The following DNAH12 variants were observed in gnomAD, a reference collection of about 807,000 sequenced individuals.
The protein encoded by DNAH12 is axonemal beta dynein heavy chain 12.
In DNAH12, 285 loss-of-function variants were observed where a neutral mutation model predicts 371.5. The observed-to-expected ratio is 0.77, with a 90% CI of 0.70 to 0.85. The LOEUF (loss-of-function observed/expected upper bound fraction) is 0.85. DNAH12 is among the 40% of genes least tolerant of loss of function. The probability of loss-of-function intolerance (pLI) is 0.00; values close to 1 mark genes in which losing one functional copy is unlikely to be tolerated. For synonymous variants in DNAH12, 1,200 were observed against 1,213.0 expected, an observed-to-expected ratio of 0.99 and a Z score of 0.22; for missense variants, 3,611 against 3,689.4, an observed-to-expected ratio of 0.98 and a Z score of 0.55.
chr3:57,405,361 G>C (rs2063991868), intron 41 of DNAH12, among the ~76,000 whole-genome samples: 1 of 152,132 alleles, frequency 6.6e-6, no homozygotes. Context: ...TTAGGCTAGA[G>C]AAGTCATTCT....
chr3:57,526,321 G>C (rs1483446833), intron 2 of DNAH12, among the ~76,000 whole-genome samples: 1 of 152,014 alleles, frequency 6.6e-6, no homozygotes, highest in East Asian at 1.9e-4. Flanking sequence ...CAAATGATAG[G>C]TTCTCATTCT....
At chr3:57,308,474 TA>T (rs1254845169) in intron 69 of DNAH12, among the ~76,000 whole-genome samples, 2 of 144,570 alleles carry the variant, frequency 1.4e-5, no homozygotes, top group African/African-American at 5.2e-5. Flanking sequence ...ACAGCCCATT[TA>T]AGCTCCTGTA....
intron 65 of DNAH12, 105 bp from the exon 66 acceptor site, chr3:57,314,736 C>T (rs913678154): frequency 1.4e-5 from 17 of 1,196,524 alleles, no homozygotes; most frequent in Non-Finnish European, 1.9e-5. Flanking sequence ...TCTGTGATCA[C>T]GTATCTCTAC....
intron 4 of DNAH12, among the ~76,000 whole-genome samples, chr3:57,517,918 G>A (rs1477277862): frequency 2.0e-5 from 3 of 152,084 alleles, no homozygotes; most frequent in Non-Finnish European, 2.9e-5. Flanking sequence ...TCCAAGCGTG[G>A]TGCCTCACAT....
intron 11 of DNAH12, among the ~76,000 whole-genome samples, chr3:57,500,287 C>A (rs778795292): frequency 6.6e-6 from 1 of 152,080 alleles, no homozygotes; most frequent in Non-Finnish European, 1.5e-5. Flanking sequence ...GTGATCCACC[C>A]GCCTTGGCCT....
chr3:57,301,265 CAAAAAAAAAAAAAAA>C (rs71088054), intron 70 of DNAH12, among the ~76,000 whole-genome samples: 205 of 43,034 alleles, frequency 4.8e-3, no homozygotes, highest in South Asian at 9.1e-3. Flanking sequence ...GACCCTGTCT[CAAAAAAAAAAAAAAA>C]AAAAAAAAAA....
In DNAH12 at chr3:57,466,990, A is replaced by G. The variant is rs150927412; in HGVS notation, c.2349+1746T>C. Among the ~76,000 whole-genome samples, 284 of 151,852 alleles carry G rather than the reference A, an allele frequency of 1.9e-3. 3 individuals are homozygous for G. The highest frequency in any genetic ancestry group is 6.5e-3 in the African/African-American group (268 of 41,424). On this transcript the variant is annotated intron_variant, in intron 17 of 73. Coordinates refer to ENST00000495027, the MANE Select transcript of DNAH12 (RefSeq NM_001366028.2). The stretch of plus-strand genomic sequence containing the variant: ...GGCTGGTCTTGAACTTCTGGCCTCG[A>G]ATGATCCTCCTGCCTTGGCCTCCCA...
At chr3:57,401,305 T>C (rs2063852624) in intron 43 of DNAH12, among the ~76,000 whole-genome samples, 1 of 150,610 alleles carries the variant, frequency 6.6e-6, no homozygotes. Context: ...ATCCTAGCAG[T>C]TGGGGAGGTT....
chr3:57,329,907 T>C lies in DNAH12; in HGVS notation c.9978+4558A>G, dbSNP rs933825988. Among the ~76,000 whole-genome samples, 8 of 152,164 alleles carry C rather than the reference T, an allele frequency of 5.3e-5. No homozygotes were observed. The South Asian group carries it at 1.2e-3, about 24-fold the overall frequency. ...CCCATCCAAAAGTGGGCAAAGGACATGAACAGACACTTCTCAAAAGAAGAC... is the reference window on the plus strand; with the variant it reads ...CCCATCCAAAAGTGGGCAAAGGACACGAACAGACACTTCTCAAAAGAAGAC... On this transcript the variant is annotated intron_variant, in intron 62 of 73. Coordinates refer to ENST00000495027, the MANE Select transcript of DNAH12 (RefSeq NM_001366028.2).
In DNAH12 at chr3:57,512,297, A is replaced by C. The variant is rs187565079; in HGVS notation, c.280-1318T>G. Among the ~76,000 whole-genome samples, 41 of 152,296 alleles carry C rather than the reference A, an allele frequency of 2.7e-4. 1 individual carries two copies. In the East Asian group the frequency reaches 6.7e-3, roughly 25 times the overall value. ...TTATATAAAGTAAATAGAGCAGTTAAATTTATAGAAACAGAAAACAAAATA... is the reference window on the plus strand; with the variant it reads ...TTATATAAAGTAAATAGAGCAGTTACATTTATAGAAACAGAAAACAAAATA... On this transcript the variant is annotated intron_variant, in intron 4 of 73. Transcript: ENST00000495027.
chr3:57,389,232 A>G (rs1166537079), intron 45 of DNAH12, among the ~76,000 whole-genome samples: 1 of 61,966 alleles, frequency 1.6e-5, no homozygotes, highest in Non-Finnish European at 2.8e-5. Flanking sequence ...GGTCCACAGG[A>G]AAAAAAAAAA....
intron 27 of DNAH12, 91 bp from the exon 28 acceptor site, chr3:57,445,510 G>A (rs1306266150): frequency 1.8e-6 from 2 of 1,139,380 alleles, no homozygotes; most frequent in East Asian, 3.2e-5. Flanking sequence ...GTGTTGTCAA[G>A]TTTATTCTCC....
intron 65 of DNAH12, among the ~76,000 whole-genome samples, chr3:57,317,649 A>T (rs1456396385): frequency 1.3e-5 from 2 of 149,220 alleles, no homozygotes; most frequent in Admixed American, 6.8e-5. Context: ...CTGGCCTGCT[A>T]ATATCTCTTA....
intron 11 of DNAH12, among the ~76,000 whole-genome samples, chr3:57,498,963 C>T (rs1330741923): frequency 6.6e-6 from 1 of 152,012 alleles, no homozygotes; most frequent in African/African-American, 2.4e-5. Flanking sequence ...TGCACCACTG[C>T]ACTCCAGCCT....
chr3:57,538,755 GCT>G (rs1338444454), intron 2 of DNAH12, among the ~76,000 whole-genome samples: 2 of 152,050 alleles, frequency 1.3e-5, no homozygotes, highest in South Asian at 2.1e-4. Flanking sequence ...TCTCACTCTC[GCT>G]CTCTCTGTGA....
chr3:57,412,062 A>G (rs1489924610), intron 39 of DNAH12, among the ~76,000 whole-genome samples: 1 of 152,164 alleles, frequency 6.6e-6, no homozygotes, highest in East Asian at 1.9e-4. Flanking sequence ...AGCAAAGGCA[A>G]TATTATGGAG....
chr3:57,441,963 A>G (rs887136308), intron 29 of DNAH12, among the ~76,000 whole-genome samples: 1 of 152,196 alleles, frequency 6.6e-6, no homozygotes, highest in African/African-American at 2.4e-5. Flanking sequence ...GAGTATAAAT[A>G]AGAAAAATGC....
intron 10 of DNAH12, among the ~76,000 whole-genome samples, chr3:57,501,814 T>C (rs1028112445): frequency 6.6e-6 from 1 of 152,234 alleles, no homozygotes; most frequent in African/African-American, 2.4e-5. Context: ...CCTTGAATTA[T>C]TCCCAACATT....
At position 57,451,711 on chromosome 3, in the gene DNAH12, G is replaced by A. The variant is rs144326413; in HGVS notation, c.3786+1132C>T. Among the ~76,000 whole-genome samples the A allele has an allele frequency of 4.2e-3, 643 of 152,274 alleles. 7 individuals carry two copies. Among genetic ancestry groups the A allele is most frequent in the African/African-American group, 0.015 (623 of 41,558 alleles). ...TCAGGTATGAGCAGAGCCGGAGAGC[G>A]CGCCTCACCCCACACACACCAGGAG... On this transcript the variant is annotated intron_variant, in intron 25 of 73. Coordinates refer to ENST00000495027, the MANE Select transcript of DNAH12 (RefSeq NM_001366028.2).
Sources: allele counts gnomAD v4.1 joint callset (sites outside exome capture counted in the v4.1 genomes callset), GRCh38; gene constraint gnomAD v4.1.1; transcripts MANE v1.5; gene names NCBI Gene and HGNC (gene_info 2026-07-23, HGNC 2026-07-21).